The following LGI2 variants were observed in gnomAD, a reference collection of about 807,000 sequenced individuals.
LGI2 encodes leucine-rich repeat LGI family member 2.
Under a neutral mutation model 52.0 loss-of-function variants are expected in LGI2, and 30 were observed. That is an observed-to-expected ratio of 0.58 (90% CI 0.43 to 0.78). The LOEUF (loss-of-function observed/expected upper bound fraction) is 0.78, where lower values mean the gene tolerates loss of function less well. Among genes scored for constraint, LGI2 ranks in the 30% least tolerant of loss-of-function variants. The probability of loss-of-function intolerance (pLI) is 0.00; values close to 1 mark genes in which losing one functional copy is unlikely to be tolerated. For synonymous variants in LGI2, 270 were observed against 271.8 expected, an observed-to-expected ratio of 0.99 and a Z score of 0.06; for missense variants, 573 against 692.5, an observed-to-expected ratio of 0.83 and a Z score of 1.94.
chr4:24,992,927 A>G, the LGI2 span, among the ~76,000 whole-genome samples: 3 of 152,150 alleles, frequency 2.0e-5, no homozygotes, highest in African/African-American at 7.2e-5. Flanking sequence ...TTGCATATTT[A>G]TGGATTAAAA....
At chr4:25,023,451 G>A (rs1470182421) in intron 4 of LGI2, among the ~76,000 whole-genome samples, 2 of 152,234 alleles carry the variant, frequency 1.3e-5, no homozygotes, top group African/African-American at 4.8e-5. Context: ...GGCCTCCCAT[G>A]TCTGCTCCCT....
In LGI2 at chr4:25,003,793, G is replaced by C. The variant is rs1370521568; in HGVS notation, c.1296C>G (p.Leu432=). 4.3e-6 allele frequency: 7 copies of C among 1,614,224 alleles called. No individual in the cohort carries two copies. The South Asian group carries it at 6.6e-5, about 15-fold the overall frequency. The change falls in exon 8 of 8, where the codon CTC becomes CTG. Residue 432 remains leucine (L), a synonymous_variant. Transcript: ENST00000382114. ...CGATGAAGCGGGTAAGGGAAAGGTA[G>C]AGGGTATTTTGCATTCGGAAGCTCT... The part of the protein sequence containing the change: ...AVKSFRMQNT[L]YLSLTRFIGD...
In LGI2 at chr4:25,003,359, C is replaced by T; in HGVS notation, c.*92G>A. 3.3e-6 allele frequency: 3 copies of T among 907,204 alleles called. No individual in the cohort carries two copies. Among genetic ancestry groups the T allele is most frequent in the Non-Finnish European group, 5.0e-6 (3 of 605,134 alleles). 56.2% of individuals were successfully genotyped at this position (907,204 alleles called of 1,614,324 possible). ...TTCAGTGCTTTTTAATTTCAGAGCT[C>T]TGAGCCTGGCTTTGATTTGTTTGTT... On this transcript the variant is annotated 3_prime_UTR_variant, in exon 8 of 8. Transcript: ENST00000382114.
chr4:24,994,322 G>GC (rs1724992567), downstream of LGI2, among the ~76,000 whole-genome samples: 2 of 152,314 alleles, frequency 1.3e-5, no homozygotes, highest in South Asian at 4.1e-4. Flanking sequence ...GGAACAGGGA[G>GC]CCCGAGCTCC....
chr4:25,007,273 G>T (rs1201569492), intron 7 of LGI2, among the ~76,000 whole-genome samples: 2 of 152,246 alleles, frequency 1.3e-5, no homozygotes, highest in East Asian at 3.9e-4. Flanking sequence ...ATACCATCTG[G>T]CAGTGTTCTC....
intron 6 of LGI2, among the ~76,000 whole-genome samples, chr4:25,017,541 CAAAAAAA>C (rs66740392): frequency 3.8e-4 from 20 of 53,240 alleles, no homozygotes; most frequent in Middle Eastern, 0.012. Flanking sequence ...GACTCTGCCT[CAAAAAAA>C]AAAAAAAAAA....
downstream of LGI2, among the ~76,000 whole-genome samples, chr4:24,995,644 A>G (rs1309347223): frequency 6.6e-6 from 1 of 152,168 alleles, no homozygotes; most frequent in Non-Finnish European, 1.5e-5. Flanking sequence ...GACGTCATAC[A>G]CCAACACTTT....
intron 3 of LGI2, among the ~76,000 whole-genome samples, chr4:25,026,517 G>A (rs750810161): frequency 3.9e-5 from 6 of 152,098 alleles, no homozygotes; most frequent in Admixed American, 6.6e-5. Context: ...TCAGAACCCC[G>A]CAGCTCTATT....
rs1222569370 is a variant in LGI2, at chr4:25,001,911, T to C, written c.*1540A>G. 1 of 152,244 alleles carries C rather than the reference T, an allele frequency of 6.6e-6. No homozygotes were observed. The highest frequency in any genetic ancestry group is 1.5e-5 in the Non-Finnish European group (1 of 68,048). 9.4% of individuals were successfully genotyped at this position (152,244 alleles called of 1,614,324 possible). On this transcript the variant is annotated 3_prime_UTR_variant, in exon 8 of 8. Transcript: ENST00000382114. ...TTTACAATAACAATACAGTACAATATGATCGTGCTACTTTCATGGCTAGGA... is the reference window on the plus strand; with the variant it reads ...TTTACAATAACAATACAGTACAATACGATCGTGCTACTTTCATGGCTAGGA...
chr4:25,007,578 AGTGTGTGTGTGTGTGTGTGT>A (rs3066687), intron 7 of LGI2, among the ~76,000 whole-genome samples: 26 of 142,350 alleles, frequency 1.8e-4, no homozygotes, highest in Middle Eastern at 3.5e-3. Flanking sequence ...CAGACAGATC[AGTGTGTGTGTGTGTGTGTGT>A]GTGTGTGTGT....
chr4:25,021,081 A>G (rs1577557936), intron 4 of LGI2, among the ~76,000 whole-genome samples: 2 of 150,810 alleles, frequency 1.3e-5, no homozygotes, highest in Middle Eastern at 3.4e-3. Flanking sequence ...TATTGATATG[A>G]TAAGTATATA....
Position 25,003,259 on chromosome 4 carries a change from A to G in LGI2, c.*192T>C, listed in dbSNP as rs745861503. The G allele has an allele frequency of 2.4e-5, 12 of 498,362 alleles. No individual in the cohort carries two copies. Among genetic ancestry groups the G allele is most frequent in the Non-Finnish European group, 3.1e-5 (9 of 286,670 alleles). The allele number at this position is 498,362 out of a possible 1,614,324, so 30.9% of individuals were successfully genotyped here. On this transcript the variant is annotated 3_prime_UTR_variant, in exon 8 of 8. Coordinates refer to ENST00000382114, the MANE Select transcript of LGI2 (RefSeq NM_018176.4). ...TTTTTTTTTAAATGGTAGAATGGGC[A>G]TGTCATGCAGTTAGCCAATAAATGC... is the stretch of plus-strand genomic sequence containing the variant.
At position 25,013,932 on chromosome 4, in the gene LGI2, C is replaced by T. The variant is rs530901740; in HGVS notation, c.656-1433G>A. Among the ~76,000 whole-genome samples the T allele has an allele frequency of 4.6e-5, 7 of 152,288 alleles. No homozygotes were observed. The South Asian group carries it at 1.5e-3, about 32-fold the overall frequency. On this transcript the variant is annotated intron_variant, in intron 6 of 7. Transcript: ENST00000382114. ...GTGTAGAAGCCAGAAAGCGTGTGTTCACTGCACAAGACTTTGCTGGTTTCT... is the reference window on the plus strand; with the variant it reads ...GTGTAGAAGCCAGAAAGCGTGTGTTTACTGCACAAGACTTTGCTGGTTTCT...
Position 25,003,571 on chromosome 4 carries a change from G to T in LGI2, c.1518C>A (p.Tyr506Ter). ...CTGTGAATGAACGAGGCGCCTGCAC[G>T]TAAATCTCCTTAAACTTTTTGAATA... Reference protein sequence around the residue: ...KQLFKKFKEIYVQAPRSFTAV... With the variant: ...KQLFKKFKEI The change falls in exon 8 of 8, where the codon TAC becomes TAA. Residue 506 changes from tyrosine to a stop codon, truncating the protein, a stop_gained. Coordinates refer to ENST00000382114, the MANE Select transcript of LGI2 (RefSeq NM_018176.4). LOFTEE classifies it high-confidence loss of function. 1.9e-6 allele frequency: 3 copies of T among 1,613,902 alleles called. No homozygotes were observed. The highest frequency in any genetic ancestry group is 2.5e-6 in the Non-Finnish European group (3 of 1,179,918).
chr4:25,023,814 T>C (rs927694968), intron 4 of LGI2, among the ~76,000 whole-genome samples: 2 of 152,212 alleles, frequency 1.3e-5, no homozygotes, highest in African/African-American at 4.8e-5. Context: ...ACCAAGATAA[T>C]GAGCATTTTT....
At chr4:25,030,059 G>A (rs1483737368) in intron 1 of LGI2, among the ~76,000 whole-genome samples, 1 of 151,522 alleles carries the variant, frequency 6.6e-6, no homozygotes, top group African/African-American at 2.4e-5. Flanking sequence ...CTGCTCCTAT[G>A]CACGCCCCTA....
At chr4:25,020,686 C>T (rs1725927133) in intron 4 of LGI2, among the ~76,000 whole-genome samples, 2 of 152,164 alleles carry the variant, frequency 1.3e-5, no homozygotes, top group African/African-American at 2.4e-5. Context: ...TACCTAGAGT[C>T]GGTTAGCTGG....
Position 25,030,587 on chromosome 4 carries a change from C to T in LGI2, c.107G>A (p.Cys36Tyr). The T allele has an allele frequency of 1.3e-6, 2 of 1,568,862 alleles. No homozygotes were observed. ...CTTGGTACAGCTGCAAGTGGCGGGG[C>T]AGCGCGCCAGCCGCCTCACCTGCGC... ...RSAQVRRLAR[C>Y]PATCSCTKES... The change falls in exon 1 of 8, where the codon TGC (cysteine) becomes TAC (tyrosine). Residue 36 changes from cysteine to tyrosine, a missense_variant. By Grantham distance (194) the Cys-to-Tyr change is radical. Coordinates refer to ENST00000382114, the MANE Select transcript of LGI2 (RefSeq NM_018176.4).
At chr4:25,012,602 G>C (rs1725626530) in intron 6 of LGI2, 103 bp from the exon 7 acceptor site, 3 of 1,199,118 alleles carry the variant, frequency 2.5e-6, no homozygotes, top group Non-Finnish European at 2.4e-6. Context: ...AAAAGGACTG[G>C]GGAGGAGGAG....
Sources: allele counts gnomAD v4.1 joint callset (sites outside exome capture counted in the v4.1 genomes callset), GRCh38; gene constraint gnomAD v4.1.1; transcripts MANE v1.5; gene names NCBI Gene and HGNC (gene_info 2026-07-23, HGNC 2026-07-21).